Variants in FARS2 observed in about 807,000 individuals in gnomAD.
The protein encoded by FARS2 is phenylalanine--tRNA ligase, mitochondrial.
In FARS2, 40 loss-of-function variants were observed where a neutral mutation model predicts 46.4. That is an observed-to-expected ratio of 0.86 (90% CI 0.67 to 1.12). The LOEUF (loss-of-function observed/expected upper bound fraction) is 1.12. Ranked by LOEUF, FARS2 falls within the 50% of genes most tolerant of loss-of-function variation. FARS2 has a pLI of 0.00. For synonymous variants in FARS2, 234 were observed against 214.9 expected, an observed-to-expected ratio of 1.09 and a Z score of -0.78; for missense variants, 513 against 567.9, an observed-to-expected ratio of 0.90 and a Z score of 0.98.
At chr6:5,376,349 A>G (rs1344623468) in intron 2 of FARS2, among the ~76,000 whole-genome samples, 1 of 152,220 alleles carries the variant, frequency 6.6e-6, no homozygotes, top group African/African-American at 2.4e-5. Flanking sequence ...TATGATTCCA[A>G]ACTCAGCAGA....
At chr6:5,750,064 A>G (rs1181423808) in intron 6 of FARS2, among the ~76,000 whole-genome samples, 2 of 152,298 alleles carry the variant, frequency 1.3e-5, no homozygotes, top group South Asian at 2.1e-4. Context: ...GATGCATGTG[A>G]AAGTGAAGAA....
At chr6:5,406,022 C>A (rs77920208) in intron 3 of FARS2, among the ~76,000 whole-genome samples, 1 of 152,170 alleles carries the variant, frequency 6.6e-6, no homozygotes, top group Non-Finnish European at 1.5e-5. Context: ...CACCTTCCCC[C>A]TCCAGCTATT....
At chr6:5,731,581 C>T (rs1018532841) in intron 6 of FARS2, among the ~76,000 whole-genome samples, 5 of 152,120 alleles carry the variant, frequency 3.3e-5, no homozygotes, top group African/African-American at 9.7e-5. Flanking sequence ...TCTGTTGTAC[C>T]CTTTGATCTC....
intron 1 of FARS2, 122 bp downstream of exon 1, chr6:5,261,782 C>T (rs1230256964): frequency 6.6e-6 from 1 of 152,202 alleles, no homozygotes; most frequent in Non-Finnish European, 1.5e-5. Flanking sequence ...GTGAAGAGTT[C>T]CCGTGGTTTT....
At chr6:5,465,187 G>C (rs542582212) in intron 4 of FARS2, among the ~76,000 whole-genome samples, 4 of 152,244 alleles carry the variant, frequency 2.6e-5, no homozygotes, top group African/African-American at 9.6e-5. Flanking sequence ...AAAGCAAAAA[G>C]AGGAGAAAAA....
intron 4 of FARS2, among the ~76,000 whole-genome samples, chr6:5,534,963 G>A (rs540842883): frequency 2.7e-5 from 4 of 149,980 alleles, no homozygotes; most frequent in African/African-American, 4.9e-5. Context: ...CACAGCAGCC[G>A]CGCTACTTTA....
chr6:5,357,824 A>G (rs918070675), intron 1 of FARS2, among the ~76,000 whole-genome samples: 3 of 152,222 alleles, frequency 2.0e-5, no homozygotes, highest in African/African-American at 4.8e-5. Flanking sequence ...TGATTTTCAC[A>G]GATTAATGTT....
chr6:5,627,946 G>C (rs776653959), intron 6 of FARS2, among the ~76,000 whole-genome samples: 2 of 152,072 alleles, frequency 1.3e-5, no homozygotes, highest in African/African-American at 4.8e-5. Context: ...ACAGAAGTTG[G>C]GTCCTAAGTA....
At chr6:5,364,066 A>G (rs193031678) in intron 1 of FARS2, among the ~76,000 whole-genome samples, 2 of 152,288 alleles carry the variant, frequency 1.3e-5, no homozygotes, top group East Asian at 1.9e-4. Flanking sequence ...ACAAACAACA[A>G]AAATCCATTC....
chr6:5,614,385 A>G (rs1440510866), intron 6 of FARS2, among the ~76,000 whole-genome samples: 9 of 150,390 alleles, frequency 6.0e-5, no homozygotes, highest in Non-Finnish European at 1.0e-4. Flanking sequence ...CCTGTCATTC[A>G]GACTCCCACC....
chr6:5,425,189 A>T (rs772360070), intron 3 of FARS2, among the ~76,000 whole-genome samples: 2 of 152,228 alleles, frequency 1.3e-5, no homozygotes, highest in Non-Finnish European at 2.9e-5. Context: ...TTAAAAAATT[A>T]TTCATGGAGG....
chr6:5,735,940 A>G (rs1008422749), intron 6 of FARS2, among the ~76,000 whole-genome samples: 17 of 152,168 alleles, frequency 1.1e-4, no homozygotes, highest in African/African-American at 3.6e-4. Context: ...GGCTTGAACC[A>G]TTTAGGAAGT....
intron 6 of FARS2, among the ~76,000 whole-genome samples, chr6:5,706,359 G>A (rs1758766924): frequency 6.6e-6 from 1 of 152,206 alleles, no homozygotes. Context: ...TCTGAGGGCA[G>A]GGGCTGAGTC....
At chr6:5,576,456 C>T (rs760251336) in intron 5 of FARS2, among the ~76,000 whole-genome samples, 24 of 151,896 alleles carry the variant, frequency 1.6e-4, no homozygotes, top group Non-Finnish European at 2.5e-4. Flanking sequence ...TTTTGGCACT[C>T]GTACTGGCTT....
chr6:5,770,957 A>G (rs1763008125), intron 6 of FARS2, among the ~76,000 whole-genome samples: 1 of 152,156 alleles, frequency 6.6e-6, no homozygotes, highest in African/African-American at 2.4e-5. Context: ...GGAACCGGGG[A>G]CAGGCTTAGA....
chr6:5,338,873 T>G (rs985962450), intron 1 of FARS2, among the ~76,000 whole-genome samples: 2 of 152,212 alleles, frequency 1.3e-5, no homozygotes, highest in Non-Finnish European at 2.9e-5. Context: ...CTTGCGATTT[T>G]CCTGTACAGT....
intron 6 of FARS2, among the ~76,000 whole-genome samples, chr6:5,661,557 A>G (rs1233894867): frequency 6.6e-6 from 1 of 152,154 alleles, no homozygotes; most frequent in Non-Finnish European, 1.5e-5. Flanking sequence ...AGGGTGTGTG[A>G]GTGCTGGAAG....
intron 6 of FARS2, among the ~76,000 whole-genome samples, chr6:5,633,221 C>T (rs79477837): frequency 0.011 from 1,698 of 149,404 alleles, 20 homozygotes; most frequent in Middle Eastern, 0.039. Flanking sequence ...ACCTCAACCT[C>T]CTGAGTAACA....
At chr6:5,593,945 C>T (rs1159971441) in intron 5 of FARS2, among the ~76,000 whole-genome samples, 1 of 152,176 alleles carries the variant, frequency 6.6e-6, no homozygotes, top group Non-Finnish European at 1.5e-5. Context: ...GGCTAAGGGT[C>T]TGTGGAAGGA....
Sources: gnomAD v4.1 joint callset for allele counts (sites outside exome capture counted in the v4.1 genomes callset) on GRCh38, gnomAD v4.1.1 for gene constraint, MANE v1.5 for transcripts, NCBI Gene and HGNC (gene_info 2026-07-23, HGNC 2026-07-21) for gene names.